Variants in RELT observed in about 807,000 individuals in gnomAD.
RELT encodes the protein RELT TNF receptor.
Under a neutral mutation model 51.1 loss-of-function variants are expected in RELT, and 37 were observed. The ratio of observed to expected loss-of-function variants is 0.72; its 90% CI spans 0.56 to 0.95. RELT has a LOEUF of 0.95. RELT is among the 40% of genes least tolerant of loss of function. RELT has a pLI of 0.00. For synonymous variants in RELT, 241 were observed against 235.7 expected, an observed-to-expected ratio of 1.02 and a Z score of -0.21; for missense variants, 535 against 572.6, an observed-to-expected ratio of 0.93 and a Z score of 0.67.
intron 5 of RELT, chr11:73,391,937 C>T (rs1866221274): frequency 1.8e-6 from 1 of 564,254 alleles, no homozygotes; most frequent in South Asian, 2.1e-5. Flanking sequence ...GTCCTGTGTG[C>T]CATCTCTTCA....
chr11:73,393,261 T>G, intron 6 of RELT: 1 of 1,011,546 alleles, frequency 9.9e-7, no homozygotes. Flanking sequence ...GGGACTGTGC[T>G]TGTTTTCCTA....
chr11:73,395,414 C>T, intron 10 of RELT, 30 bp from the exon 11 acceptor site: 1 of 1,050,636 alleles, frequency 9.5e-7, no homozygotes. Flanking sequence ...GCCCCTGACT[C>T]AGCTCTGACC....
intron 2 of RELT, 70 bp downstream of exon 2, chr11:73,389,251 G>A (rs922273336): frequency 5.4e-6 from 6 of 1,101,372 alleles, no homozygotes; most frequent in Non-Finnish European, 7.6e-6. Context: ...CAGCAAGAGG[G>A]TGCAGACACT....
chr11:73,383,964 C>T (rs993441461), intron 1 of RELT, among the ~76,000 whole-genome samples: 2 of 152,164 alleles, frequency 1.3e-5, no homozygotes, highest in East Asian at 1.9e-4. Context: ...GTGTGGCCAC[C>T]GCCAAGGGAG....
At chr11:73,393,542 C>G in intron 6 of RELT, 11 of 1,332,684 alleles carry the variant, frequency 8.3e-6, no homozygotes, top group Non-Finnish European at 1.1e-5. Flanking sequence ...CCAGAAGACG[C>G]TGACGCACCG....
rs1327893389 is a variant in RELT at position 73,388,135 on chromosome 11, C to T, written c.-25-977C>T. Among the ~76,000 whole-genome samples the T allele has an allele frequency of 6.6e-6, 1 of 152,174 alleles. No individual in the cohort carries two copies. Among genetic ancestry groups the T allele is most frequent in the Non-Finnish European group, 1.5e-5 (1 of 68,024 alleles). On this transcript the variant is annotated intron_variant, in intron 1 of 10. Coordinates refer to ENST00000064780, the MANE Select transcript of RELT (RefSeq NM_152222.2). This position sits in a 1 kb window ranked among gnomAD's most constrained non-coding sequence, Gnocchi z 4.1. ...GGGCCTCAGTCTCAGACCGGTGGGC[C>T]GTGACGCCACCATGGATATTTCTCT...
chr11:73,379,991 C>T (rs1866026511), intron 1 of RELT, among the ~76,000 whole-genome samples: 1 of 152,224 alleles, frequency 6.6e-6, no homozygotes, highest in Non-Finnish European at 1.5e-5. Context: ...TCTTGGCCAT[C>T]CAGACTATAG....
chr11:73,391,209 C>T lies in RELT; in HGVS notation c.353C>T (p.Thr118Ile), dbSNP rs1272261627. The change falls in exon 5 of 11, where the codon ACT (threonine) becomes ATT (isoleucine). Residue 118 changes from threonine (T) to isoleucine (I), a missense_variant. Physicochemically the swap from Thr to Ile is moderately conservative, Grantham distance 89. Coordinates refer to ENST00000064780, the MANE Select transcript of RELT (RefSeq NM_152222.2). ...CCATGTTCCTGGGCACCTCTGGGTA[C>T]TCATGGCTGTGATGGTGAGTGGCAG... ...CQPCSWAPLG[T>I]HGCDEWGRRA... 3.7e-6 allele frequency: 6 copies of T among 1,613,764 alleles called. No homozygotes were observed. The South Asian group carries it at 6.6e-5, about 18-fold the overall frequency.
intron 1 of RELT, among the ~76,000 whole-genome samples, chr11:73,384,909 G>C (rs1866100800): frequency 6.6e-6 from 1 of 152,166 alleles, no homozygotes; most frequent in Admixed American, 6.5e-5. Context: ...ACTTCGAGCT[G>C]AGCTCTAAGG....
At chr11:73,390,984 C>T in intron 4 of RELT, 63 bp downstream of exon 4, 1 of 1,583,038 alleles carries the variant, frequency 6.3e-7, no homozygotes. Flanking sequence ...GATCCTGGGG[C>T]CCCAGCCTTA....
chr11:73,377,024 G>A (rs1349172956), intron 1 of RELT, among the ~76,000 whole-genome samples: 1 of 152,182 alleles, frequency 6.6e-6, no homozygotes, highest in Non-Finnish European at 1.5e-5. Context: ...GGGCGGTGAC[G>A]CCGGGCCGAG....
At position 73,395,440 on chromosome 11, in the gene RELT, C is replaced by A; in HGVS notation, c.1246-4C>A. On this transcript the variant is annotated splice_region_variant and splice_polypyrimidine_tract_variant and intron_variant, in intron 10 of 10. Transcript: ENST00000064780. ...AGCTCTGACCCCTCACCCCTGCCCA[C>A]CAGGAGAACCGCTATGTGGTCCGGC... 1 of 872,548 alleles carries A rather than the reference C, an allele frequency of 1.1e-6. No individual in the cohort carries two copies. The highest frequency in any genetic ancestry group is 1.7e-5 in the Admixed American group (1 of 59,160). 54.1% of individuals were successfully genotyped at this position (872,548 alleles called of 1,614,324 possible).
At chr11:73,393,491 A>G in intron 6 of RELT, 1 of 1,236,248 alleles carries the variant, frequency 8.1e-7, no homozygotes, top group Non-Finnish European at 1.0e-6. Flanking sequence ...GTAGGGTGGC[A>G]GCCCACAGCT....
intron 1 of RELT, among the ~76,000 whole-genome samples, chr11:73,381,304 A>G (rs1866046724): frequency 1.3e-5 from 2 of 152,122 alleles, no homozygotes; most frequent in African/African-American, 4.8e-5. Flanking sequence ...GTGTGCAGGT[A>G]GAGAGAGGAG....
At chr11:73,387,787 C>T (rs1866148399) in intron 1 of RELT, among the ~76,000 whole-genome samples, 1 of 152,152 alleles carries the variant, frequency 6.6e-6, no homozygotes, top group Non-Finnish European at 1.5e-5. Flanking sequence ...GGAGAGGACT[C>T]TGAGTGATTT....
rs1487513059 is a variant in RELT at position 73,390,734 on chromosome 11, C to G, written c.121-21C>G. 5 of 1,607,054 alleles carry G rather than the reference C, an allele frequency of 3.1e-6. No homozygotes were observed. In the Admixed American group the frequency reaches 6.8e-5, roughly 22 times the overall value. The stretch of plus-strand genomic sequence containing the variant: ...CTCAGGCTTGGCTCCTGGCCATGCT[C>G]TCACCCTTTACCTCCCACAGGACCC... On this transcript the variant is annotated intron_variant, in intron 3 of 10. Transcript: ENST00000064780.
In RELT at chr11:73,389,169, C is replaced by G; in HGVS notation, c.33C>G (p.Ser11=). The change falls in exon 2 of 11, where the codon TCC becomes TCG. Residue 11 remains serine, a synonymous_variant. Coordinates refer to ENST00000064780, the MANE Select transcript of RELT (RefSeq NM_152222.2). MKPSLLCRPL[S]CFLMLLPWPL... ...CAAGTCTGCTGTGCCGGCCCCTGTC[C>G]TGCTTCCTTATGGTGAGCTGGGGAT... The G allele has an allele frequency of 6.5e-7, 1 of 1,549,988 alleles. No individual in the cohort carries two copies. Among genetic ancestry groups the G allele is most frequent in the Non-Finnish European group, 8.7e-7 (1 of 1,147,186 alleles).
At chr11:73,387,763 C>T (rs995492405) in intron 1 of RELT, among the ~76,000 whole-genome samples, 10 of 152,146 alleles carry the variant, frequency 6.6e-5, no homozygotes, top group Admixed American at 6.6e-4. Context: ...GTGGGAGGGC[C>T]GGGCTGCCTG....
Position 73,392,233 on chromosome 11 carries a change from T to G in RELT, c.390T>G (p.Arg130=). ...CAGAGTGGGGGCGGCGGGCCCGACG[T>G]GGCGTGGAGGTGGCAGCAGGGGCCA... ...GCDEWGRRAR[R]GVEVAAGASS... The change falls in exon 6 of 11, where the codon CGT becomes CGG. Residue 130 remains arginine, a synonymous_variant. Transcript: ENST00000064780. 4 of 1,611,650 alleles carry G rather than the reference T, an allele frequency of 2.5e-6. No individual in the cohort carries two copies. The highest frequency in any genetic ancestry group is 3.4e-6 in the Non-Finnish European group (4 of 1,179,010).
Sources: allele counts gnomAD v4.1 joint callset (sites outside exome capture counted in the v4.1 genomes callset), GRCh38; gene constraint gnomAD v4.1.1; non-coding constraint Gnocchi (gnomAD v3.1); transcripts MANE v1.5; gene names NCBI Gene and HGNC (gene_info 2026-07-23, HGNC 2026-07-21).